Variants in FBLN2 observed in about 807,000 individuals in gnomAD.
FBLN2 encodes the protein fibulin-2.
In FBLN2, 81 loss-of-function variants were observed where a neutral mutation model predicts 123.7. That is an observed-to-expected ratio of 0.65 (90% CI 0.55 to 0.79). The LOEUF is 0.79. FBLN2 is among the 30% of genes least tolerant of loss of function. The pLI is 0.00. For missense variants in FBLN2, 1,603 were observed against 1,681.3 expected, an observed-to-expected ratio of 0.95 and a Z score of 0.81; for synonymous variants, 699 against 701.4, an observed-to-expected ratio of 1.00 and a Z score of 0.05.
intron 2 of FBLN2, among the ~76,000 whole-genome samples, chr3:13,594,770 C>T (rs1024174747): frequency 6.6e-6 from 1 of 152,076 alleles, no homozygotes; most frequent in African/African-American, 2.4e-5. Flanking sequence ...ACAGAGGGAC[C>T]CCAGAGCCCG....
At chr3:13,566,408 C>T (rs1703748540) in intron 1 of FBLN2, 1 of 152,354 alleles carries the variant, frequency 6.6e-6, no homozygotes, top group Non-Finnish European at 1.5e-5. Flanking sequence ...CAGTCCCTGC[C>T]CTGGAGGGAG....
intron 2 of FBLN2, among the ~76,000 whole-genome samples, chr3:13,588,415 A>G (rs1704574175): frequency 6.6e-6 from 1 of 152,342 alleles, no homozygotes; most frequent in South Asian, 2.1e-4. Flanking sequence ...TGTGGGGTGA[A>G]GGGAAATGGA....
intron 1 of FBLN2, among the ~76,000 whole-genome samples, chr3:13,569,291 C>T (rs1158052277): frequency 1.5e-5 from 2 of 133,112 alleles, no homozygotes; most frequent in Non-Finnish European, 2.9e-5. Context: ...GTGCCAGGCT[C>T]AGCTGGGAAT....
At chr3:13,628,559 CTG>C (rs1706130205) in intron 11 of FBLN2, among the ~76,000 whole-genome samples, 1 of 152,254 alleles carries the variant, frequency 6.6e-6, no homozygotes, top group South Asian at 2.1e-4. Flanking sequence ...TGCTTAGTCT[CTG>C]TGCCTCTAAA....
intron 1 of FBLN2, among the ~76,000 whole-genome samples, chr3:13,567,520 G>A (rs930093793): frequency 6.6e-6 from 1 of 151,938 alleles, no homozygotes; most frequent in Non-Finnish European, 1.5e-5. Flanking sequence ...ATCATGCCTG[G>A]CTAATTTTTG....
At position 13,557,500 on chromosome 3, in the gene FBLN2, G is replaced by A. The variant is rs114577717; in HGVS notation, c.-42+8292G>A. On this transcript the variant is annotated intron_variant, in intron 1 of 17. Coordinates refer to ENST00000404922, the MANE Select transcript of FBLN2 (RefSeq NM_001004019.2). ...GGCCTCTGCAGATGCCATCAGGACC[G>A]GGTCTCCATCTCTTGCTCTGCTGTT... Among the ~76,000 whole-genome samples the A allele has an allele frequency of 4.6e-3, 704 of 152,322 alleles. 8 individuals carry two copies. The highest frequency in any genetic ancestry group is 0.016 in the African/African-American group (659 of 41,568).
intron 2 of FBLN2, among the ~76,000 whole-genome samples, chr3:13,604,631 C>T (rs956370925): frequency 6.6e-6 from 1 of 152,210 alleles, no homozygotes; most frequent in Admixed American, 6.5e-5. Flanking sequence ...TATATAGTAG[C>T]ATGGCCCGTG....
At chr3:13,550,502 T>A (rs1407426288) in intron 1 of FBLN2, among the ~76,000 whole-genome samples, 1 of 152,208 alleles carries the variant, frequency 6.6e-6, no homozygotes, top group East Asian at 1.9e-4. Flanking sequence ...AACAGGATGG[T>A]TTGGGTGCTT....
At chr3:13,561,125 A>G (rs1032890376) in intron 1 of FBLN2, among the ~76,000 whole-genome samples, 1 of 152,180 alleles carries the variant, frequency 6.6e-6, no homozygotes, top group Non-Finnish European at 1.5e-5. Flanking sequence ...TGATGGTGAC[A>G]ACTCCTGCTT....
At chr3:13,556,323 G>A (rs57945747) in intron 1 of FBLN2, among the ~76,000 whole-genome samples, 1,717 of 152,142 alleles carry the variant, frequency 0.011, 35 homozygotes, top group African/African-American at 0.039. Flanking sequence ...GGTGGGGGGT[G>A]GGAAGCGGCG....
At chr3:13,597,303 C>T (rs924204735) in intron 2 of FBLN2, among the ~76,000 whole-genome samples, 5 of 152,144 alleles carry the variant, frequency 3.3e-5, no homozygotes, top group African/African-American at 1.2e-4. Flanking sequence ...TTTTTCAGTA[C>T]TGTCTTTGTT....
At position 13,629,059 on chromosome 3, in the gene FBLN2, C is replaced by G. The variant is rs778592293; in HGVS notation, c.2713+11C>G. ...GGACCAAGTGTGTGGGTAAGGCCAGCCGCCTCCGCCCTGCCAGCCAGCCCG... is the reference window on the plus strand; with the variant it reads ...GGACCAAGTGTGTGGGTAAGGCCAGGCGCCTCCGCCCTGCCAGCCAGCCCG... On this transcript the variant is annotated intron_variant, in intron 12 of 17. Coordinates refer to ENST00000404922, the MANE Select transcript of FBLN2 (RefSeq NM_001004019.2). 3 of 1,612,714 alleles carry G rather than the reference C, an allele frequency of 1.9e-6. No homozygotes were observed. In the South Asian group the frequency reaches 3.3e-5, roughly 18 times the overall value.
rs548624936 is a variant in FBLN2 at position 13,567,540 on chromosome 3, TAG to T, written c.-41-2771_-41-2770del. Among the ~76,000 whole-genome samples, 5 of 152,276 alleles carry T rather than the reference TAG, an allele frequency of 3.3e-5. No individual in the cohort carries two copies. The East Asian group carries it at 9.7e-4, about 30-fold the overall frequency. On this transcript the variant is annotated intron_variant, in intron 1 of 17. Transcript: ENST00000404922. ...GCCTGGCTAATTTTTGTATTTCTGG[TAG>T]AGACAGGGTTTCACCACGTTGGCCA... is the stretch of plus-strand genomic sequence containing the variant.
At chr3:13,576,732 G>A (rs562153428) in intron 2 of FBLN2, among the ~76,000 whole-genome samples, 7 of 130,104 alleles carry the variant, frequency 5.4e-5, no homozygotes, top group Admixed American at 2.9e-4. Flanking sequence ...CCCCCCCCCC[G>A]GGTTCACTCA....
At chr3:13,579,124 A>G (rs544984351) in intron 2 of FBLN2, among the ~76,000 whole-genome samples, 1 of 152,338 alleles carries the variant, frequency 6.6e-6, no homozygotes, top group East Asian at 1.9e-4. Flanking sequence ...CCGGCAGTGC[A>G]CAAGGGTTCC....
chr3:13,589,131 A>G (rs1288883005), intron 2 of FBLN2, among the ~76,000 whole-genome samples: 1 of 152,214 alleles, frequency 6.6e-6, no homozygotes, highest in Non-Finnish European at 1.5e-5. Flanking sequence ...CTTGTCAAGA[A>G]TTTCTGTGCT....
At chr3:13,550,978 G>A (rs1126098) in intron 1 of FBLN2, among the ~76,000 whole-genome samples, 124,092 of 152,216 alleles carry the variant, frequency 0.82, 50,926 homozygotes, top group East Asian at 1. Flanking sequence ...CTCTTGAAAA[G>A]TCACAAGGTC....
chr3:13,615,046 G>T (rs372665454), intron 5 of FBLN2, among the ~76,000 whole-genome samples: 2 of 151,658 alleles, frequency 1.3e-5, no homozygotes, highest in East Asian at 1.9e-4. Context: ...GTTGTCCTTG[G>T]TGTCACCCCC....
Position 13,568,859 on chromosome 3 carries a change from C to T in FBLN2, c.-41-1456C>T, listed in dbSNP as rs13318240. On this transcript the variant is annotated intron_variant, in intron 1 of 17. Transcript: ENST00000404922. ...CCTGAGGGTGTCAGTGCTGTGAGGACGCTGGGAACCTGTCTTGCTGGCTGA... is the reference window on the plus strand; with the variant it reads ...CCTGAGGGTGTCAGTGCTGTGAGGATGCTGGGAACCTGTCTTGCTGGCTGA... The T allele has an allele frequency of 2.0e-3, 1,998 of 985,630 alleles. 37 individuals carry two copies. The African/African-American group carries it at 0.032, about 16-fold the overall frequency. The allele number at this position is 985,630 out of a possible 1,614,324, so 61.1% of individuals were successfully genotyped here. A position where few individuals can be genotyped will look rare whatever the true frequency, so the allele number is the denominator to read the frequency against.
Sources: allele counts gnomAD v4.1 joint callset (sites outside exome capture counted in the v4.1 genomes callset), GRCh38; gene constraint gnomAD v4.1.1; transcripts MANE v1.5; gene names NCBI Gene and HGNC (gene_info 2026-07-23, HGNC 2026-07-21).